MICU1: variants seen among roughly 807,000 people sequenced by gnomAD.
MICU1 encodes calcium uptake protein 1, mitochondrial.
Under a neutral mutation model 56.8 loss-of-function variants are expected in MICU1, and 45 were observed. The observed-to-expected ratio is 0.79, with a 90% CI of 0.62 to 1.02. The LOEUF (loss-of-function observed/expected upper bound fraction) is 1.02, where lower values mean the gene tolerates loss of function less well. MICU1 is among the 50% of genes least tolerant of loss of function. The probability of loss-of-function intolerance (pLI) is 0.00; values close to 1 mark genes in which losing one functional copy is unlikely to be tolerated. For missense variants in MICU1, 504 were observed against 587.1 expected (o/e 0.86, Z 1.46); for synonymous variants, 186 against 195.1 (o/e 0.95, Z 0.39).
intron 5 of MICU1, among the ~76,000 whole-genome samples, chr10:72,522,753 C>A (rs1175532519): frequency 6.6e-6 from 1 of 152,106 alleles, no homozygotes; most frequent in African/African-American, 2.4e-5. Flanking sequence ...CAAGTCACTG[C>A]AAAGAAGCAA....
chr10:72,515,702 T>C (rs984189134), intron 5 of MICU1, among the ~76,000 whole-genome samples: 40 of 152,162 alleles, frequency 2.6e-4, no homozygotes, highest in African/African-American at 9.4e-4. Flanking sequence ...AACAAACATA[T>C]CTATGTCATC....
intron 5 of MICU1, among the ~76,000 whole-genome samples, chr10:72,515,555 T>G (rs1326160569): frequency 6.6e-6 from 1 of 152,210 alleles, no homozygotes; most frequent in Non-Finnish European, 1.5e-5. Flanking sequence ...AGGAAACAAT[T>G]TGGTCTTATC....
chr10:72,596,102 C>T (rs376819273), intron 1 of MICU1, among the ~76,000 whole-genome samples: 5 of 152,032 alleles, frequency 3.3e-5, no homozygotes, highest in Admixed American at 1.3e-4. Context: ...TCTCCCGCCT[C>T]AGCCTCCCCA....
chr10:72,535,036 T>TC (rs1564923363), intron 4 of MICU1, among the ~76,000 whole-genome samples: 46 of 139,924 alleles, frequency 3.3e-4, no homozygotes, highest in African/African-American at 1.3e-3. Flanking sequence ...TTTTATTTTA[T>TC]TTATTTATTT....
chr10:72,560,273 C>G (rs542553277), intron 3 of MICU1: 1 of 152,380 alleles, frequency 6.6e-6, no homozygotes, highest in African/African-American at 2.4e-5. Context: ...CATGTTGGAA[C>G]AGGGCATCCA....
At chr10:72,530,345 A>AATG (rs1033880335) in intron 5 of MICU1, among the ~76,000 whole-genome samples, 6 of 128,692 alleles carry the variant, frequency 4.7e-5, no homozygotes, top group Non-Finnish European at 9.4e-5. Context: ...AAATAATAAT[A>AATG]ATAATAATAA....
At chr10:72,510,469 C>T (rs1419504803) in intron 5 of MICU1, among the ~76,000 whole-genome samples, 7 of 152,236 alleles carry the variant, frequency 4.6e-5, no homozygotes, top group African/African-American at 1.7e-4. Context: ...AAGACATTCT[C>T]TAATGGTCAC....
At chr10:72,473,208 A>AT (rs1445486797) in intron 8 of MICU1, 1 of 152,236 alleles carries the variant, frequency 6.6e-6, no homozygotes, top group Admixed American at 6.5e-5. Flanking sequence ...AGAAAGATTG[A>AT]TAAAAACAAG....
At chr10:72,617,327 C>T (rs74148036) in intron 1 of MICU1, among the ~76,000 whole-genome samples, 5,849 of 152,178 alleles carry the variant, frequency 0.038, 389 homozygotes, top group African/African-American at 0.13. Context: ...CCAGTCCATA[C>T]TCCAATTTCC....
intron 1 of MICU1, among the ~76,000 whole-genome samples, chr10:72,578,726 G>GTC (rs1840818737): frequency 6.6e-6 from 1 of 151,954 alleles, no homozygotes; most frequent in South Asian, 2.1e-4. Flanking sequence ...TCCTGCCTCA[G>GTC]TCTCCCGAGT....
At chr10:72,465,309 G>GGT (rs1865757567) in intron 8 of MICU1, among the ~76,000 whole-genome samples, 1 of 121,936 alleles carries the variant, frequency 8.2e-6, no homozygotes, top group Non-Finnish European at 1.6e-5. Flanking sequence ...ATAGTTTTTT[G>GGT]TTTTTTTTTT....
At chr10:72,453,936 A>T (rs753517116) in intron 8 of MICU1, among the ~76,000 whole-genome samples, 10 of 151,858 alleles carry the variant, frequency 6.6e-5, no homozygotes, top group Non-Finnish European at 1.2e-4. Context: ...CCCTGGTTCA[A>T]GCGATTTTCT....
At chr10:72,506,024 A>G (rs1468796235) in intron 6 of MICU1, among the ~76,000 whole-genome samples, 2 of 151,488 alleles carry the variant, frequency 1.3e-5, no homozygotes, top group South Asian at 2.1e-4. Flanking sequence ...AGTGATAAAG[A>G]GACTCTTAAA....
At position 72,589,304 on chromosome 10, in the gene MICU1, AG is replaced by A. The variant is rs149328286; in HGVS notation, c.-1-22511del. On this transcript the variant is annotated intron_variant, in intron 1 of 11. Transcript: ENST00000361114. Reference sequence around the variant, plus strand: ...ACTCCGTCTCAGGGAAAAAAAAAAAAGGACATAATGGTAGTGGAAATCTCAG... The same window carrying A: ...ACTCCGTCTCAGGGAAAAAAAAAAAAGACATAATGGTAGTGGAAATCTCAG... Among the ~76,000 whole-genome samples, 3 of 152,084 alleles carry A rather than the reference AG, an allele frequency of 2.0e-5. No individual in the cohort carries two copies. In the East Asian group the frequency reaches 5.8e-4, roughly 29 times the overall value.
chr10:72,502,643 A>C (rs561084405), intron 6 of MICU1, among the ~76,000 whole-genome samples: 1 of 152,236 alleles, frequency 6.6e-6, no homozygotes, highest in East Asian at 1.9e-4. Context: ...GATTTTCCCT[A>C]GGGTATTGGG....
rs1283468722 is a variant in MICU1 at position 72,448,875 on chromosome 10, A to G, written c.934-25504T>C. 2.0e-5 allele frequency among the ~76,000 whole-genome samples: 3 copies of G among 152,348 alleles called. No homozygotes were observed. The South Asian group carries it at 6.2e-4, about 32-fold the overall frequency. ...GCAAGATTTCTTTTACAGTGCTGTA[A>G]CCTATTGGTTAATTATAAGTTTAGC... is the stretch of plus-strand genomic sequence containing the variant. On this transcript the variant is annotated intron_variant, in intron 8 of 11. Coordinates refer to ENST00000361114, the MANE Select transcript of MICU1 (RefSeq NM_001195518.2).
At position 72,562,655 on chromosome 10, in the gene MICU1, A is replaced by G. The variant is rs541227942; in HGVS notation, c.330+240T>C. The G allele has an allele frequency of 8.9e-6, 3 of 336,786 alleles. No individual in the cohort carries two copies. In the South Asian group the frequency reaches 3.6e-4, roughly 40 times the overall value. The allele number at this position is 336,786 out of a possible 1,614,324, so 20.9% of individuals were successfully genotyped here. A position where few individuals can be genotyped will look rare whatever the true frequency, so the allele number is the denominator to read the frequency against. On this transcript the variant is annotated intron_variant, in intron 3 of 11. Transcript: ENST00000361114. ...AAAAAAGAATCACCTTAGGCAGTTG[A>G]ACTGAAAGAACTAAGAAAAAATATG... is the stretch of plus-strand genomic sequence containing the variant.
chr10:72,512,100 GTTTTTTGTTTT>G (rs1285222236), intron 5 of MICU1, among the ~76,000 whole-genome samples: 44 of 82,338 alleles, frequency 5.3e-4, no homozygotes, highest in African/African-American at 2.3e-3. Flanking sequence ...ATACACAGTT[GTTTTTTGTTTT>G]TTTTTTTTTT....
chr10:72,387,282 T>G (rs893468472), intron 10 of MICU1, among the ~76,000 whole-genome samples: 5 of 152,164 alleles, frequency 3.3e-5, no homozygotes, highest in Non-Finnish European at 7.3e-5. Context: ...CAAAGGAAAT[T>G]AATGACATGG....
Sources: allele counts gnomAD v4.1 joint callset (sites outside exome capture counted in the v4.1 genomes callset), GRCh38; gene constraint gnomAD v4.1.1; transcripts MANE v1.5; gene names NCBI Gene and HGNC (gene_info 2026-07-23, HGNC 2026-07-21).